The following ABCC11 variants were observed in gnomAD, a reference collection of about 807,000 sequenced individuals.
The protein encoded by ABCC11 is ATP binding cassette subfamily C member 11.
In ABCC11, 135 loss-of-function variants were observed where a neutral mutation model predicts 149.3. The ratio of observed to expected loss-of-function variants is 0.90; its 90% CI spans 0.79 to 1.04. ABCC11 has a LOEUF of 1.04. Among genes scored for constraint, ABCC11 ranks in the 50% least tolerant of loss-of-function variants. The probability of loss-of-function intolerance (pLI) is 0.00; values close to 1 mark genes in which losing one functional copy is unlikely to be tolerated. For missense variants in ABCC11, 1,680 were observed against 1,722.1 expected (o/e 0.98, Z 0.43); for synonymous variants, 665 against 671.4 (o/e 0.99, Z 0.15).
intron 3 of ABCC11, 28 bp downstream of exon 3, chr16:48,230,409 C>G (rs772585777): frequency 1.0e-5 from 16 of 1,557,916 alleles, no homozygotes; most frequent in Non-Finnish European, 1.3e-5. Context: ...GGATACAGCT[C>G]TCTCCCACCA....
intron 13 of ABCC11, among the ~76,000 whole-genome samples, chr16:48,204,404 T>C (rs1968257914): frequency 6.6e-6 from 1 of 152,002 alleles, no homozygotes; most frequent in African/African-American, 2.4e-5. Context: ...CTGAACGAAC[T>C]AGAAACAGAG....
intron 9 of ABCC11, 141 bp from the exon 10 acceptor site, chr16:48,213,691 G>C: frequency 1.6e-6 from 1 of 617,076 alleles, no homozygotes; most frequent in African/African-American, 1.9e-5. Flanking sequence ...AGTGTTTGGA[G>C]GAGACTGGAA....
In ABCC11 at chr16:48,167,489, C is replaced by A. The variant is rs201343009; in HGVS notation, c.4056+7G>T. ...TCCTCCCACCAGCCCAAGGACGCAGCCTTCACCTTCCCATTGCCCATAACC... is the reference window on the plus strand; with the variant it reads ...TCCTCCCACCAGCCCAAGGACGCAGACTTCACCTTCCCATTGCCCATAACC... On this transcript the variant is annotated splice_region_variant and intron_variant, in intron 29 of 29. Coordinates refer to ENST00000356608, the MANE Select transcript of ABCC11 (RefSeq NM_001370497.1). 159 of 1,613,964 alleles carry A rather than the reference C, an allele frequency of 9.9e-5. No individual in the cohort carries two copies. The African/African-American group carries it at 1.8e-3, about 19-fold the overall frequency.
intron 17 of ABCC11, among the ~76,000 whole-genome samples, chr16:48,196,980 G>A (rs1300394116): frequency 6.7e-6 from 1 of 148,750 alleles, no homozygotes; most frequent in Non-Finnish European, 1.5e-5. Context: ...TTTTAATCCT[G>A]AGGGAAATTA....
chr16:48,174,102 C>T (rs1235333495), intron 26 of ABCC11, among the ~76,000 whole-genome samples: 1 of 152,198 alleles, frequency 6.6e-6, no homozygotes, highest in Admixed American at 6.5e-5. Flanking sequence ...TCATCCCAGT[C>T]GTAGCTCCCT....
At chr16:48,167,448 G>A (rs2150699694) in intron 29 of ABCC11, 48 bp downstream of exon 29, 1 of 1,612,164 alleles carries the variant, frequency 6.2e-7, no homozygotes, top group Non-Finnish European at 8.5e-7. Flanking sequence ...ATCTGGGGTA[G>A]CAGCCTGAGC....
In ABCC11 at chr16:48,215,489, C is replaced by A. The variant is rs544023002; in HGVS notation, c.952-145G>T. The A allele has an allele frequency of 7.8e-5, 73 of 935,210 alleles. 1 individual carries two copies. The South Asian group carries it at 1.3e-3, about 16-fold the overall frequency. 57.9% of individuals were successfully genotyped at this position (935,210 alleles called of 1,614,324 possible). ...AATCAAAGCTCTCCAGGCCACTATGCCTTAGAGCATCCCAGGGGCCTTTCT... is the reference window on the plus strand; with the variant it reads ...AATCAAAGCTCTCCAGGCCACTATGACTTAGAGCATCCCAGGGGCCTTTCT... On this transcript the variant is annotated intron_variant, in intron 7 of 29. Coordinates refer to ENST00000356608, the MANE Select transcript of ABCC11 (RefSeq NM_001370497.1).
At chr16:48,180,275 A>T (rs1013798156) in intron 23 of ABCC11, among the ~76,000 whole-genome samples, 7 of 152,228 alleles carry the variant, frequency 4.6e-5, no homozygotes, top group African/African-American at 1.7e-4. Flanking sequence ...AAAGGAACAC[A>T]TGGAAAAAGT....
At chr16:48,191,248 G>C (rs572659764) in intron 20 of ABCC11, among the ~76,000 whole-genome samples, 1 of 152,234 alleles carries the variant, frequency 6.6e-6, no homozygotes, top group South Asian at 2.1e-4. Context: ...AAGAATAAGA[G>C]AAATGGGCCA....
At chr16:48,165,477 T>G (rs1473626727), downstream of ABCC11, among the ~76,000 whole-genome samples, 1 of 152,246 alleles carries the variant, frequency 6.6e-6, no homozygotes, top group Non-Finnish European at 1.5e-5. Context: ...ATTTGTTTGC[T>G]GTTCTCTCTG....
chr16:48,204,400 G>A (rs879522638), intron 13 of ABCC11, among the ~76,000 whole-genome samples: 5 of 152,144 alleles, frequency 3.3e-5, no homozygotes, highest in African/African-American at 4.8e-5. Context: ...CAGGCTGAAC[G>A]AACTAGAAAC....
chr16:48,177,905 G>A (rs1237321506), intron 24 of ABCC11, among the ~76,000 whole-genome samples: 2 of 152,140 alleles, frequency 1.3e-5, no homozygotes, highest in African/African-American at 2.4e-5. Flanking sequence ...GCCCAACCTC[G>A]GTTTCCTTGT....
chr16:48,201,633 C>T (rs1947809896), intron 14 of ABCC11, among the ~76,000 whole-genome samples: 1 of 152,046 alleles, frequency 6.6e-6, no homozygotes, highest in African/African-American at 2.4e-5. Context: ...ATTGACAGCA[C>T]CTGTCAACTT....
At position 48,198,251 on chromosome 16, in the gene ABCC11, T is replaced by A. The variant is rs566112391; in HGVS notation, c.2107A>T (p.Ile703Phe). Residue 703 changes from isoleucine (I) to phenylalanine (F), a missense_variant, in exon 16 of 30, where the codon ATT becomes TTT. Coordinates refer to ENST00000356608, the MANE Select transcript of ABCC11 (RefSeq NM_001370497.1). ...CAGATTTTCCCATTTTCCAACAAAA[T>A]GATCTGGCCACAAAATTCTAAGTAC... is the stretch of plus-strand genomic sequence containing the variant. ...LQYLEFCGQI[I>F]LLENGKICEN... The A allele has an allele frequency of 2.0e-4, 324 of 1,614,254 alleles. 6 individuals are homozygous for A. In the South Asian group the frequency reaches 3.4e-3, roughly 17 times the overall value.
intron 1 of ABCC11, chr16:48,244,533 G>T: frequency 1.3e-6 from 2 of 1,574,792 alleles, no homozygotes; most frequent in Non-Finnish European, 8.6e-7. Context: ...CCTTCTGAAG[G>T]GCACGTCGCT....
At chr16:48,233,280 G>A (rs751956004) in intron 1 of ABCC11, among the ~76,000 whole-genome samples, 5 of 152,204 alleles carry the variant, frequency 3.3e-5, no homozygotes, top group Non-Finnish European at 7.3e-5. Context: ...ATTACTTTGT[G>A]AGAAGTTACT....
chr16:48,234,456 T>A (rs1483289136), intron 1 of ABCC11, among the ~76,000 whole-genome samples: 17 of 152,186 alleles, frequency 1.1e-4, no homozygotes, highest in African/African-American at 4.1e-4. Context: ...TGAGGCAGTA[T>A]GAACAGGTAC....
At position 48,219,588 on chromosome 16, in the gene ABCC11, A is replaced by G. The variant is rs1047118880; in HGVS notation, c.777+3010T>C. 6.6e-5 allele frequency among the ~76,000 whole-genome samples: 10 copies of G among 152,220 alleles called. No individual in the cohort carries two copies. In the East Asian group the frequency reaches 1.9e-3, roughly 29 times the overall value. On this transcript the variant is annotated intron_variant, in intron 6 of 29. Transcript: ENST00000356608. The stretch of plus-strand genomic sequence containing the variant: ...TCTATACTATTTTATTTTGTTTCCA[A>G]GGAGAATGTATTCAGATAATTTTAA...
intron 18 of ABCC11, 35 bp downstream of exon 18, chr16:48,196,197 C>T (rs563213444): frequency 1.9e-6 from 3 of 1,609,212 alleles, no homozygotes; most frequent in African/African-American, 1.3e-5. Flanking sequence ...AGGGCTGCTC[C>T]AAGAGAGAGC....
Sources: gnomAD v4.1 joint callset for allele counts (sites outside exome capture counted in the v4.1 genomes callset) on GRCh38, gnomAD v4.1.1 for gene constraint, MANE v1.5 for transcripts, NCBI Gene and HGNC (gene_info 2026-07-23, HGNC 2026-07-21) for gene names.